CDH13: variants seen among roughly 807,000 people sequenced by gnomAD.
CDH13 encodes cadherin 13, also known as cadherin-13.
A neutral mutation model predicts 63.8 loss-of-function variants in CDH13; 24 were observed. That is an observed-to-expected ratio of 0.38 (90% confidence interval 0.27 to 0.53). CDH13 has a LOEUF of 0.53. Ranked by LOEUF, CDH13 falls within the 20% of genes least tolerant of loss-of-function variation. The pLI is 0.85. For synonymous variants in CDH13, 503 were observed against 355.3 expected, an observed-to-expected ratio of 1.42 and a Z score of -4.67; for missense variants, 1,049 against 903.1, an observed-to-expected ratio of 1.16 and a Z score of -2.07.
At chr16:83,206,995 G>C (rs1197501498) in intron 4 of CDH13, among the ~76,000 whole-genome samples, 3 of 152,104 alleles carry the variant, frequency 2.0e-5, no homozygotes, top group African/African-American at 7.2e-5. Context: ...TGACAGATCT[G>C]GAAAGCAACA....
chr16:83,542,178 A>T (rs575557828), intron 7 of CDH13, among the ~76,000 whole-genome samples: 1 of 152,266 alleles, frequency 6.6e-6, no homozygotes, highest in African/African-American at 2.4e-5. Context: ...TGAGGTGCAC[A>T]TACTAATATT....
intron 11 of CDH13, among the ~76,000 whole-genome samples, chr16:83,760,976 A>C (rs1320378038): frequency 6.6e-6 from 1 of 152,232 alleles, no homozygotes; most frequent in African/African-American, 2.4e-5. Flanking sequence ...AAGCAAAGCA[A>C]ATCATGTTCC....
At chr16:82,906,022 A>G (rs923575378) in intron 2 of CDH13, among the ~76,000 whole-genome samples, 1 of 152,160 alleles carries the variant, frequency 6.6e-6, no homozygotes, top group African/African-American at 2.4e-5. Flanking sequence ...AAGTATATGA[A>G]TATATACATG....
intron 6 of CDH13, among the ~76,000 whole-genome samples, chr16:83,385,877 C>T (rs555226346): frequency 6.6e-6 from 1 of 152,188 alleles, no homozygotes; most frequent in Non-Finnish European, 1.5e-5. Flanking sequence ...ACTGACTGCT[C>T]TCTCACCTGG....
chr16:83,171,436 C>G, intron 4 of CDH13: 1 of 1,154,828 alleles, frequency 8.7e-7, no homozygotes, highest in African/African-American at 1.5e-5. Flanking sequence ...GGTGAGGACA[C>G]AGATCCAAAC....
intron 1 of CDH13, among the ~76,000 whole-genome samples, chr16:82,787,841 A>AGAGTGTGTGTGTGTGTGTGTGTGTGT (rs1555516775): frequency 1.4e-5 from 2 of 146,654 alleles, no homozygotes; most frequent in Non-Finnish European, 3.0e-5. Context: ...GAAGGGAGGA[A>AGAGTGTGTGTGTGTGTGTGTGTGTGT]GTGTGTGTGT....
At chr16:83,038,184 C>T (rs1184293529) in intron 3 of CDH13, among the ~76,000 whole-genome samples, 2 of 152,174 alleles carry the variant, frequency 1.3e-5, no homozygotes, top group African/African-American at 2.4e-5. Flanking sequence ...ACAGTTAAGC[C>T]TATTTTAGCT....
At chr16:83,600,980 T>TC (rs1460267209) in intron 7 of CDH13, among the ~76,000 whole-genome samples, 6 of 152,002 alleles carry the variant, frequency 3.9e-5, no homozygotes, top group Non-Finnish European at 8.8e-5. Context: ...CTCCTCTAGC[T>TC]CCCCCTGCCA....
intron 6 of CDH13, among the ~76,000 whole-genome samples, chr16:83,420,347 A>C (rs1415138343): frequency 6.6e-6 from 1 of 152,204 alleles, no homozygotes; most frequent in Non-Finnish European, 1.5e-5. Flanking sequence ...GAAGCAGTTG[A>C]ATTCTCAAGC....
intron 6 of CDH13, among the ~76,000 whole-genome samples, chr16:83,384,607 AG>A (rs1299274441): frequency 1.3e-5 from 2 of 152,222 alleles, no homozygotes; most frequent in Non-Finnish European, 2.9e-5. Flanking sequence ...GGAGGAAGAG[AG>A]CCTGGTCACT....
At chr16:83,584,414 G>C (rs1275038343) in intron 7 of CDH13, among the ~76,000 whole-genome samples, 1 of 152,178 alleles carries the variant, frequency 6.6e-6, no homozygotes, top group Non-Finnish European at 1.5e-5. Context: ...ATGGTTTATT[G>C]GGACACGATG....
At chr16:83,136,189 A>G (rs1256332657) in intron 4 of CDH13, among the ~76,000 whole-genome samples, 1 of 147,642 alleles carries the variant, frequency 6.8e-6, no homozygotes, top group Admixed American at 6.8e-5. Flanking sequence ...AAAAAAAAAA[A>G]GAAATAGACT....
chr16:83,454,030 G>A (rs2072956403), intron 6 of CDH13, among the ~76,000 whole-genome samples: 1 of 152,108 alleles, frequency 6.6e-6, no homozygotes, highest in Non-Finnish European at 1.5e-5. Flanking sequence ...ACTTTATCCT[G>A]GCTTCTAAGG....
At chr16:82,747,331 G>A (rs2151064076) in intron 1 of CDH13, among the ~76,000 whole-genome samples, 1 of 152,278 alleles carries the variant, frequency 6.6e-6, no homozygotes, top group South Asian at 2.1e-4. Flanking sequence ...AAAGTTTGAG[G>A]TGTTTAAAGT....
intron 2 of CDH13, among the ~76,000 whole-genome samples, chr16:82,986,064 G>C (rs1007198378): frequency 2.6e-5 from 4 of 152,120 alleles, no homozygotes; most frequent in Admixed American, 6.5e-5. Context: ...CCTGTCTCAC[G>C]TACTTCTATA....
chr16:83,242,060 A>G (rs536308414), intron 5 of CDH13, among the ~76,000 whole-genome samples: 2 of 152,150 alleles, frequency 1.3e-5, no homozygotes, highest in Admixed American at 6.5e-5. Context: ...GTGGATATTC[A>G]GTTTTCCAAA....
chr16:82,926,439 C>G (rs547642521), intron 2 of CDH13, among the ~76,000 whole-genome samples: 4 of 152,184 alleles, frequency 2.6e-5, no homozygotes, highest in Non-Finnish European at 5.9e-5. Context: ...CATTATAAAC[C>G]TTGCCCTGAA....
chr16:83,567,736 C>T (rs1032789986), intron 7 of CDH13, among the ~76,000 whole-genome samples: 2 of 152,158 alleles, frequency 1.3e-5, no homozygotes, highest in African/African-American at 2.4e-5. Context: ...GCTGGCACTA[C>T]AGGCGCCCGC....
At chr16:83,497,046 C>T (rs538286758) in intron 7 of CDH13, among the ~76,000 whole-genome samples, 1 of 152,286 alleles carries the variant, frequency 6.6e-6, no homozygotes, top group South Asian at 2.1e-4. Context: ...AATAGGAACG[C>T]TTTTACACTG....
Sources: gnomAD v4.1 joint callset for allele counts (sites outside exome capture counted in the v4.1 genomes callset) on GRCh38, gnomAD v4.1.1 for gene constraint, MANE v1.5 for transcripts, NCBI Gene and HGNC (gene_info 2026-07-23, HGNC 2026-07-21) for gene names.